Variants in IQCE observed in about 807,000 individuals in gnomAD.
IQCE encodes IQ motif containing E.
Under a neutral mutation model 96.0 loss-of-function variants are expected in IQCE, and 115 were observed. The observed-to-expected ratio is 1.20, with a 90% CI of 1.03 to 1.40. The LOEUF (loss-of-function observed/expected upper bound fraction) is 1.40, where lower values mean the gene tolerates loss of function less well. Ranked by LOEUF, IQCE falls within the 40% of genes most tolerant of loss-of-function variation. The probability of loss-of-function intolerance (pLI) is 0.00; values close to 1 mark genes in which losing one functional copy is unlikely to be tolerated. For synonymous variants in IQCE, 412 were observed against 371.2 expected, an observed-to-expected ratio of 1.11 and a Z score of -1.26; for missense variants, 1,041 against 909.1, an observed-to-expected ratio of 1.15 and a Z score of -1.87.
At chr7:2,595,753 C>A (rs1783982467) in intron 16 of IQCE, among the ~76,000 whole-genome samples, 1 of 139,744 alleles carries the variant, frequency 7.2e-6, no homozygotes, top group African/African-American at 2.8e-5. Flanking sequence ...AGGGTCGCAG[C>A]CATGCTCCGG....
chr7:2,562,255 C>T (rs1466489916), intron 1 of IQCE, among the ~76,000 whole-genome samples: 3 of 150,204 alleles, frequency 2.0e-5, no homozygotes, highest in African/African-American at 4.9e-5. Context: ...TGTGTGTGCA[C>T]ATAAATATAT....
Position 2,578,351 on chromosome 7 carries a change from G to C in IQCE, c.575G>C (p.Ser192Thr), listed in dbSNP as rs762842831. Residue 192 changes from serine to threonine, a missense_variant, in exon 7 of 22, where the codon AGC (serine) becomes ACC (threonine). Ser to Thr is a moderately conservative substitution (Grantham distance 58). Coordinates refer to ENST00000402050, the MANE Select transcript of IQCE (RefSeq NM_152558.5). ...CAGATAGAGCAGCTCCTGGATCCCA[G>C]CCGCGTAAGCTCCTGGCGCTTCACG... ...DRQIEQLLDP[S>T]RGTDFVRTLA... 1.9e-6 allele frequency: 3 copies of C among 1,613,550 alleles called. No individual in the cohort carries two copies. Among genetic ancestry groups the C allele is most frequent in the Non-Finnish European group, 2.5e-6 (3 of 1,179,766 alleles).
intron 18 of IQCE, 189 bp downstream of exon 18, chr7:2,601,653 G>A (rs538460172): frequency 5.4e-5 from 30 of 556,742 alleles, no homozygotes; most frequent in South Asian, 3.8e-4. Context: ...GGGTTCAAGC[G>A]ATTCTCCTGC....
chr7:2,572,404 C>A (rs2128438164), intron 5 of IQCE, 78 bp downstream of exon 5: 1 of 1,461,360 alleles, frequency 6.8e-7, no homozygotes, highest in East Asian at 2.4e-5. Flanking sequence ...TGGAGGCGTC[C>A]TTCGTCAGAG....
intron 20 of IQCE, among the ~76,000 whole-genome samples, chr7:2,606,624 G>A (rs1009359640): frequency 6.6e-6 from 1 of 151,584 alleles, no homozygotes; most frequent in African/African-American, 2.4e-5. Flanking sequence ...TGGTGGAGCC[G>A]CGCGGCCACC....
rs6969432 is a variant in IQCE at position 2,610,111 on chromosome 7, C to G, written c.2037C>G (p.Ser679=). The G allele has an allele frequency of 6.2e-7, 1 of 1,613,326 alleles. No individual in the cohort carries two copies. The highest frequency in any genetic ancestry group is 2.2e-5 in the East Asian group (1 of 44,872). The change falls in exon 22 of 22, where the codon TCC becomes TCG. Residue 679 remains serine, a synonymous_variant. Transcript: ENST00000402050. ...GGGATGACGTCAACTCCGATGATTC[C>G]GACGATATTGTCATTGCACCGTCTC... The part of the protein sequence containing the change: ...LPGDDVNSDD[S]DDIVIAPSLP...
intron 17 of IQCE, among the ~76,000 whole-genome samples, chr7:2,600,069 T>C (rs1327255472): frequency 1.3e-5 from 2 of 152,092 alleles, no homozygotes; most frequent in Non-Finnish European, 2.9e-5. Context: ...GCTGGGATTA[T>C]AGGCGTGAGC....
rs952935489 is a variant in IQCE at position 2,613,842 on chromosome 7, G to A, written c.*3680G>A. The A allele has an allele frequency of 1.3e-5, 2 of 152,220 alleles. No individual in the cohort carries two copies. The highest frequency in any genetic ancestry group is 2.9e-5 in the Non-Finnish European group (2 of 68,068). The allele number at this position is 152,220 out of a possible 1,614,324, so 9.4% of individuals were successfully genotyped here. A position where few individuals can be genotyped will look rare whatever the true frequency, so the allele number is the denominator to read the frequency against. On this transcript the variant is annotated 3_prime_UTR_variant, in exon 22 of 22. Transcript: ENST00000402050. ...CAGAAGAGGTGGAAGGGCCAGAGAA[G>A]ACCACCAAGACCACCGTTCCCGCAG...
intron 9 of IQCE, among the ~76,000 whole-genome samples, chr7:2,583,257 C>A (rs940596077): frequency 5.3e-5 from 8 of 152,208 alleles, no homozygotes; most frequent in African/African-American, 1.9e-4. Flanking sequence ...AAAAGTGATT[C>A]TCTCTTCCTT....
Position 2,609,402 on chromosome 7 carries a change from T to A in IQCE, c.1970-642T>A, listed in dbSNP as rs529506653. On this transcript the variant is annotated intron_variant, in intron 21 of 21. Coordinates refer to ENST00000402050, the MANE Select transcript of IQCE (RefSeq NM_152558.5). ...TTCAAGCCACCCTCCCACCTCGGCC[T>A]CCAGAGTCCTGGGGTTACAGGCATG... Among the ~76,000 whole-genome samples, 945 of 148,366 alleles carry A rather than the reference T, an allele frequency of 6.4e-3. 11 individuals carry two copies. The highest frequency in any genetic ancestry group is 0.022 in the African/African-American group (891 of 39,984).
chr7:2,601,352 G>T lies in IQCE; in HGVS notation c.1609-89G>T, dbSNP rs1784417437. The T allele has an allele frequency of 3.3e-6, 3 of 912,538 alleles. No homozygotes were observed. In the South Asian group the frequency reaches 4.4e-5, roughly 13 times the overall value. The allele number at this position is 912,538 out of a possible 1,614,324, so 56.5% of individuals were successfully genotyped here. On this transcript the variant is annotated intron_variant, in intron 17 of 21. Coordinates refer to ENST00000402050, the MANE Select transcript of IQCE (RefSeq NM_152558.5). Reference sequence around the variant, plus strand: ...AGCCAGGCCTCTTGTTGGCTTGATGGACACCTGTTGGCAAGATGAAGGAAT... The same window carrying T: ...AGCCAGGCCTCTTGTTGGCTTGATGTACACCTGTTGGCAAGATGAAGGAAT...
intron 8 of IQCE, among the ~76,000 whole-genome samples, chr7:2,580,629 C>T (rs1782591716): frequency 6.6e-6 from 1 of 151,926 alleles, no homozygotes; most frequent in Non-Finnish European, 1.5e-5. Flanking sequence ...AAAAAAGTGT[C>T]TATCAATAGA....
In IQCE at chr7:2,604,939, C is replaced by T; in HGVS notation, c.1691C>T (p.Ala564Val). The T allele has an allele frequency of 6.2e-7, 1 of 1,613,750 alleles. No individual in the cohort carries two copies. Among genetic ancestry groups the T allele is most frequent in the East Asian group, 2.2e-5 (1 of 44,878 alleles). ...CATCTCACGCGGACAAAGCTCTTAG[C>T]AAGCAAAGCACATGGCTCAGAGCCA... Reference protein sequence around the residue: ...RGHLTRTKLLASKAHGSEPPS... With the variant: ...RGHLTRTKLLVSKAHGSEPPS... Residue 564 changes from alanine to valine, a missense_variant, in exon 19 of 22, where the codon GCA becomes GTA. By Grantham distance (64) the Ala-to-Val change is moderately conservative. Transcript: ENST00000402050.
chr7:2,597,326 A>G (rs1784117700), intron 16 of IQCE, among the ~76,000 whole-genome samples: 1 of 152,254 alleles, frequency 6.6e-6, no homozygotes, highest in Non-Finnish European at 1.5e-5. Flanking sequence ...AGCTGCTCGC[A>G]TAGGATGGCC....
At chr7:2,595,295 G>C (rs910053792) in intron 16 of IQCE, among the ~76,000 whole-genome samples, 6 of 152,188 alleles carry the variant, frequency 3.9e-5, no homozygotes, top group South Asian at 2.1e-4. Flanking sequence ...GAGGGGCTTG[G>C]GGGGAAAGGA....
intron 18 of IQCE, among the ~76,000 whole-genome samples, chr7:2,603,344 C>T (rs1377900954): frequency 1.3e-5 from 2 of 152,180 alleles, no homozygotes; most frequent in African/African-American, 4.8e-5. Flanking sequence ...GCCACCACAC[C>T]TCTGGTGCCT....
intron 11 of IQCE, 32 bp downstream of exon 11, chr7:2,584,317 G>C: frequency 6.2e-7 from 1 of 1,608,560 alleles, no homozygotes; most frequent in Non-Finnish European, 8.5e-7. Flanking sequence ...TGTGTTTTGT[G>C]TGTTGCCTTC....
At chr7:2,563,893 C>CAAAAAA (rs34269895) in intron 1 of IQCE, among the ~76,000 whole-genome samples, 1 of 59,972 alleles carries the variant, frequency 1.7e-5, no homozygotes, top group Non-Finnish European at 3.1e-5. Context: ...GACTCCATCT[C>CAAAAAA]AAAAAAAAAA....
chr7:2,582,378 C>G (rs968548263), intron 8 of IQCE, among the ~76,000 whole-genome samples: 1 of 152,194 alleles, frequency 6.6e-6, no homozygotes, highest in Admixed American at 6.5e-5. Flanking sequence ...GTGTCGCACC[C>G]CTGCCATTCA....
Sources: gnomAD v4.1 joint callset for allele counts (sites outside exome capture counted in the v4.1 genomes callset) on GRCh38, gnomAD v4.1.1 for gene constraint, MANE v1.5 for transcripts, NCBI Gene and HGNC (gene_info 2026-07-23, HGNC 2026-07-21) for gene names.